Variants in SYBU observed in about 807,000 individuals in gnomAD.
The protein encoded by SYBU is GOLSYN A protein.
Under a neutral mutation model 35.9 loss-of-function variants are expected in SYBU, and 21 were observed. That is an observed-to-expected ratio of 0.58 (90% CI 0.41 to 0.84). SYBU has a LOEUF of 0.84. SYBU is among the 40% of genes least tolerant of loss of function. SYBU has a pLI of 0.00. For synonymous variants in SYBU, 319 were observed against 324.3 expected, an observed-to-expected ratio of 0.98 and a Z score of 0.18; for missense variants, 768 against 848.2, an observed-to-expected ratio of 0.91 and a Z score of 1.17.
intron 1 of SYBU, among the ~76,000 whole-genome samples, chr8:109,687,004 T>C (rs964130249): frequency 6.6e-6 from 1 of 152,144 alleles, no homozygotes. Context: ...ATTATGATAA[T>C]AAATACCACT....
chr8:109,668,632 A>C (rs1429387595), intron 1 of SYBU, among the ~76,000 whole-genome samples: 1 of 152,196 alleles, frequency 6.6e-6, no homozygotes, highest in Admixed American at 6.5e-5. Flanking sequence ...TGAAACCTGA[A>C]AACATATTAT....
At chr8:109,611,913 T>C (rs1310852413) in intron 3 of SYBU, among the ~76,000 whole-genome samples, 2 of 152,226 alleles carry the variant, frequency 1.3e-5, no homozygotes, top group African/African-American at 4.8e-5. Flanking sequence ...ATGGACTGTA[T>C]CAGCTAATTT....
chr8:109,644,746 G>A lies in SYBU; in HGVS notation c.-87C>T, dbSNP rs2130671369. 7.9e-7 allele frequency: 1 copy of A among 1,273,760 alleles called. No homozygotes were observed. Among genetic ancestry groups the A allele is most frequent in the Admixed American group, 4.1e-5 (1 of 24,282 alleles). 78.9% of individuals were successfully genotyped at this position (1,273,760 alleles called of 1,614,324 possible). A position where few individuals can be genotyped will look rare whatever the true frequency, so the allele number is the denominator to read the frequency against. On this transcript the variant is annotated 5_prime_UTR_variant, in exon 1 of 7. Transcript: ENST00000276646. ...GAGCACGGAGCGAGGAGACTGCGCT[G>A]AGCCGGCGCGGGCTGCGGGCGGCGG... is the stretch of plus-strand genomic sequence containing the variant.
chr8:109,574,556 C>CA lies in SYBU; in HGVS notation c.*349dup, dbSNP rs1306180868. On this transcript the variant is annotated 3_prime_UTR_variant, in exon 7 of 7. Transcript: ENST00000276646. ...TTACACATTTTAAAACGGCAAAAAG[C>CA]AAAGCAAGGAGATAACATGCCAGCC... The CA allele has an allele frequency of 4.9e-6, 1 of 202,838 alleles. No individual in the cohort carries two copies. The highest frequency in any genetic ancestry group is 1.1e-4 in the East Asian group (1 of 9,146). 12.6% of individuals were successfully genotyped at this position (202,838 alleles called of 1,614,324 possible). A position where few individuals can be genotyped will look rare whatever the true frequency, so the allele number is the denominator to read the frequency against.
At chr8:109,605,285 A>G (rs1563712923) in intron 3 of SYBU, among the ~76,000 whole-genome samples, 1 of 152,226 alleles carries the variant, frequency 6.6e-6, no homozygotes, top group Non-Finnish European at 1.5e-5. Flanking sequence ...GGATATTGCT[A>G]AGGATTTAAT....
At chr8:109,656,902 CTT>C (rs1356107573) in intron 1 of SYBU, among the ~76,000 whole-genome samples, 1 of 151,996 alleles carries the variant, frequency 6.6e-6, no homozygotes, top group African/African-American at 2.4e-5. Context: ...TATTTTGACA[CTT>C]AAGGTAAACC....
In SYBU at chr8:109,667,508, C is replaced by CAA. The variant is rs34197112; in HGVS notation, c.-129+13201_-129+13202dup. Among the ~76,000 whole-genome samples, 85 of 144,090 alleles carry CAA rather than the reference C, an allele frequency of 5.9e-4. 2 individuals are homozygous for CAA. The highest frequency in any genetic ancestry group is 1.2e-3 in the Admixed American group (18 of 14,426). The allele number at this position is 144,090 out of a possible 152,430, so 94.5% of individuals were successfully genotyped here. A position where few individuals can be genotyped will look rare whatever the true frequency, so the allele number is the denominator to read the frequency against. On this transcript the variant is annotated intron_variant, in intron 1 of 5. Coordinates refer to the SYBU transcript ENST00000408889. ...AATTTGGTATTTTTCAGTAGTGCCA[C>CAA]AAAAAAAAAAAGACGCAGTAATTTG... is the stretch of plus-strand genomic sequence containing the variant.
chr8:109,684,388 G>T (rs186017900), upstream of SYBU, among the ~76,000 whole-genome samples: 1 of 152,208 alleles, frequency 6.6e-6, no homozygotes, highest in African/African-American at 2.4e-5. Flanking sequence ...TTCATTAGTG[G>T]TAAGAGCTGA....
intron 2 of SYBU, among the ~76,000 whole-genome samples, chr8:109,628,087 A>C (rs1371222400): frequency 2.6e-5 from 4 of 152,220 alleles, no homozygotes; most frequent in African/African-American, 9.6e-5. Flanking sequence ...GATTTCCTAC[A>C]TGTGTCAGGT....
chr8:109,658,221 C>T (rs1327884707), intron 1 of SYBU, among the ~76,000 whole-genome samples: 1 of 152,110 alleles, frequency 6.6e-6, no homozygotes, highest in Non-Finnish European at 1.5e-5. Context: ...TGGATTCTCA[C>T]TTTTAGGCCT....
chr8:109,599,361 T>C (rs979979334), intron 3 of SYBU, among the ~76,000 whole-genome samples: 1 of 152,242 alleles, frequency 6.6e-6, no homozygotes, highest in African/African-American at 2.4e-5. Context: ...GATAGGGTTT[T>C]TTATGGTACA....
chr8:109,580,835 C>T (rs754452860), intron 4 of SYBU: 1 of 152,478 alleles, frequency 6.6e-6, no homozygotes, highest in African/African-American at 2.4e-5. Flanking sequence ...CCACTCCTCA[C>T]TCCTCCCTCC....
In SYBU at chr8:109,575,939, C is replaced by T. The variant is rs933137125; in HGVS notation, c.959G>A (p.Arg320Gln). The T allele has an allele frequency of 3.1e-6, 5 of 1,613,014 alleles. No individual in the cohort carries two copies. Among genetic ancestry groups the T allele is most frequent in the Admixed American group, 1.7e-5 (1 of 59,958 alleles). Reference protein sequence around the residue: ...REDWIEEECHRVEAQLALKEA... With the variant: ...REDWIEEECHQVEAQLALKEA... Reference sequence around the variant, plus strand: ...TTTGAGTGCCAACTGGGCCTCTACCCGGTGACACTCCTCCTCAATCCAGTC... The same window carrying T: ...TTTGAGTGCCAACTGGGCCTCTACCTGGTGACACTCCTCCTCAATCCAGTC... The change falls in exon 7 of 7, where the codon CGG (arginine) becomes CAG (glutamine). Residue 320 changes from arginine (R) to glutamine (Q), a missense_variant. Physicochemically the swap from Arg to Gln is conservative, Grantham distance 43. Coordinates refer to ENST00000276646, the MANE Select transcript of SYBU (RefSeq NM_001099754.2).
chr8:109,611,235 T>TG (rs1811131536), intron 3 of SYBU, among the ~76,000 whole-genome samples: 1 of 152,242 alleles, frequency 6.6e-6, no homozygotes, highest in African/African-American at 2.4e-5. Context: ...CCCAAATCAG[T>TG]GGCTAAGAAC....
Position 109,575,483 on chromosome 8 carries a change from G to A in SYBU, c.1415C>T (p.Pro472Leu). 1.9e-6 allele frequency: 3 copies of A among 1,614,114 alleles called. No homozygotes were observed. Among genetic ancestry groups the A allele is most frequent in the Non-Finnish European group, 2.5e-6 (3 of 1,180,034 alleles). Residue 472 changes from proline (P) to leucine (L), a missense_variant, in exon 7 of 7, where the codon CCC (proline) becomes CTC (leucine). By Grantham distance (98) the Pro-to-Leu change is moderately conservative. Transcript: ENST00000276646. Reference protein sequence around the residue: ...TPGANVLELLPIVMGQEEGSV... With the variant: ...TPGANVLELLLIVMGQEEGSV... The stretch of plus-strand genomic sequence containing the variant: ...GCCCTCCTCCTGACCCATGACTATG[G>A]GCAGCAGCTCCAGGACGTTAGCCCC...
chr8:109,658,655 A>T (rs59161508), intron 1 of SYBU, among the ~76,000 whole-genome samples: 9,049 of 147,070 alleles, frequency 0.062, 795 homozygotes, highest in African/African-American at 0.2. Flanking sequence ...CTGAGACTCT[A>T]TTAATAATTA....
intron 4 of SYBU, among the ~76,000 whole-genome samples, chr8:109,583,456 A>G (rs746221947): frequency 6.6e-6 from 1 of 152,244 alleles, no homozygotes; most frequent in African/African-American, 2.4e-5. Flanking sequence ...TTGCCCTTCT[A>G]TGAGACAAGA....
chr8:109,635,569 T>C (rs1319965638), intron 2 of SYBU, among the ~76,000 whole-genome samples: 3 of 152,170 alleles, frequency 2.0e-5, no homozygotes, highest in Non-Finnish European at 4.4e-5. Flanking sequence ...AATGAACTAA[T>C]TAACTTGACC....
chr8:109,649,338 A>G (rs1235941057), upstream of SYBU, among the ~76,000 whole-genome samples: 1 of 152,014 alleles, frequency 6.6e-6, no homozygotes, highest in Non-Finnish European at 1.5e-5. Context: ...TATCATTACT[A>G]TAGGTTGAGG....
Sources: allele counts gnomAD v4.1 joint callset (sites outside exome capture counted in the v4.1 genomes callset), GRCh38; gene constraint gnomAD v4.1.1; transcripts MANE v1.5; gene names NCBI Gene and HGNC (gene_info 2026-07-23, HGNC 2026-07-21).